Variants in CNTLN observed in about 807,000 individuals in gnomAD.
The protein encoded by CNTLN is centlein.
CNTLN carries 212 observed loss-of-function variants against 180.0 expected under a neutral mutation model. The ratio of observed to expected loss-of-function variants is 1.18; its 90% CI spans 1.05 to 1.32. The LOEUF (loss-of-function observed/expected upper bound fraction) is 1.32, where lower values mean the gene tolerates loss of function less well. Among genes scored for constraint, CNTLN ranks in the 40% most tolerant of loss-of-function variants. The pLI, the probability that CNTLN is intolerant of heterozygous loss-of-function variation, is 0.00. For synonymous variants in CNTLN, 722 were observed against 563.1 expected, an observed-to-expected ratio of 1.28 and a Z score of -3.99; for missense variants, 2,095 against 1,610.9, an observed-to-expected ratio of 1.30 and a Z score of -5.14.
intron 5 of CNTLN, among the ~76,000 whole-genome samples, chr9:17,266,900 T>C (rs199633158): frequency 6.6e-6 from 1 of 152,042 alleles, no homozygotes; most frequent in African/African-American, 2.4e-5. Flanking sequence ...GGTAGATCTT[T>C]CTCCATCCCT....
intron 18 of CNTLN, among the ~76,000 whole-genome samples, chr9:17,430,097 C>T (rs140352821): frequency 1.3e-3 from 196 of 151,950 alleles, no homozygotes; most frequent in African/African-American, 4.4e-3. Context: ...TATTGACATC[C>T]GTACTTGTAT....
intron 12 of CNTLN, among the ~76,000 whole-genome samples, chr9:17,353,734 G>A (rs13289670): frequency 0.24 from 35,864 of 151,864 alleles, 4,432 homozygotes; most frequent in South Asian, 0.34. Context: ...TGAGTAGCTG[G>A]GATTACAGGC....
rs144697069 is a variant in CNTLN at position 17,411,424 on chromosome 9, G to T, written c.2796+1951G>T. ...GGAACCTAGACTTTCACTCTTACCT[G>T]GCAATAAGTAGGCACTCTTCACCTC... is the stretch of plus-strand genomic sequence containing the variant. On this transcript the variant is annotated intron_variant, in intron 16 of 25. Coordinates refer to ENST00000380647, the MANE Select transcript of CNTLN (RefSeq NM_017738.4). Among the ~76,000 whole-genome samples the T allele has an allele frequency of 1.6e-3, 245 of 152,198 alleles. 1 individual carries two copies. The highest frequency in any genetic ancestry group is 0.013 in the Admixed American group (206 of 15,286).
intron 6 of CNTLN, among the ~76,000 whole-genome samples, chr9:17,297,051 A>T (rs1416276919): frequency 6.6e-6 from 1 of 152,246 alleles, no homozygotes; most frequent in African/African-American, 2.4e-5. Context: ...TCGGCCTTTC[A>T]TATCCATGGA....
chr9:17,470,095 A>G lies in CNTLN; in HGVS notation c.3855+3204A>G, dbSNP rs559875656. ...TACATTAACACAGTTGTAAACTTGTATTTTTCTTTCTGTTTCAAGTAGATT... is the reference window on the plus strand; with the variant it reads ...TACATTAACACAGTTGTAAACTTGTGTTTTTCTTTCTGTTTCAAGTAGATT... On this transcript the variant is annotated intron_variant, in intron 23 of 25. Coordinates refer to ENST00000380647, the MANE Select transcript of CNTLN (RefSeq NM_017738.4). 1.4e-4 allele frequency among the ~76,000 whole-genome samples: 22 copies of G among 151,950 alleles called. No individual in the cohort carries two copies. The East Asian group carries it at 3.7e-3, about 25-fold the overall frequency.
intron 6 of CNTLN, among the ~76,000 whole-genome samples, chr9:17,295,184 C>G (rs778403474): frequency 1.3e-5 from 2 of 152,046 alleles, no homozygotes; most frequent in African/African-American, 2.4e-5. Context: ...GCGCTGCACG[C>G]AGCCCCAGTT....
intron 13 of CNTLN, among the ~76,000 whole-genome samples, chr9:17,376,719 G>C (rs995035978): frequency 6.6e-6 from 1 of 151,992 alleles, no homozygotes; most frequent in African/African-American, 2.4e-5. Context: ...CCAAAGTGCT[G>C]GGATTACAGG....
intron 2 of CNTLN, among the ~76,000 whole-genome samples, chr9:17,181,764 G>C (rs1821139291): frequency 1.3e-5 from 2 of 152,226 alleles, no homozygotes; most frequent in Admixed American, 6.5e-5. Flanking sequence ...GAAGACACCT[G>C]AGGAATATGA....
At chr9:17,235,147 T>C (rs940166022) in intron 3 of CNTLN, among the ~76,000 whole-genome samples, 1 of 152,178 alleles carries the variant, frequency 6.6e-6, no homozygotes, top group African/African-American at 2.4e-5. Flanking sequence ...AATGTTCGGT[T>C]AAAAATTTTG....
In CNTLN at chr9:17,298,275, G is replaced by C. The variant is rs759881956; in HGVS notation, c.1069G>C (p.Val357Leu). Residue 357 changes from valine to leucine, a missense_variant, in exon 7 of 26, where the codon GTT (valine) becomes CTT (leucine). Val to Leu is a conservative substitution (Grantham distance 32, BLOSUM62 1). Coordinates refer to ENST00000380647, the MANE Select transcript of CNTLN (RefSeq NM_017738.4). ...AGCAGAGCTGATCCAGCAGCTTCAGGTTCTCAATATGGACACACAAAAAGT... is the reference window on the plus strand; with the variant it reads ...AGCAGAGCTGATCCAGCAGCTTCAGCTTCTCAATATGGACACACAAAAAGT... The part of the protein sequence containing the change: ...QQAELIQQLQ[V>L]LNMDTQKVLR... 4.3e-6 allele frequency: 7 copies of C among 1,613,404 alleles called. No individual in the cohort carries two copies. The highest frequency in any genetic ancestry group is 5.9e-6 in the Non-Finnish European group (7 of 1,179,816).
chr9:17,228,657 T>G (rs1380614718), intron 3 of CNTLN, among the ~76,000 whole-genome samples: 1 of 152,100 alleles, frequency 6.6e-6, no homozygotes, highest in Non-Finnish European at 1.5e-5. Context: ...TTTCATCCAC[T>G]CTTTAGTCTC....
At chr9:17,436,912 G>T (rs540201497) in intron 18 of CNTLN, among the ~76,000 whole-genome samples, 3 of 152,280 alleles carry the variant, frequency 2.0e-5, no homozygotes, top group African/African-American at 7.2e-5. Flanking sequence ...CCAATAGTTT[G>T]TGTAGTACAC....
intron 8 of CNTLN, among the ~76,000 whole-genome samples, chr9:17,326,952 G>C (rs1420281812): frequency 6.6e-6 from 1 of 152,004 alleles, no homozygotes; most frequent in African/African-American, 2.4e-5. Flanking sequence ...AAGGACCTTA[G>C]GAAAAAACTA....
At chr9:17,510,718 T>A in the CNTLN span, among the ~76,000 whole-genome samples, 3 of 152,210 alleles carry the variant, frequency 2.0e-5, no homozygotes, top group South Asian at 6.2e-4. Context: ...CTAGGCTCCA[T>A]AATTCCATGA....
At chr9:17,141,418 G>C (rs1171596122) in intron 1 of CNTLN, among the ~76,000 whole-genome samples, 1 of 152,178 alleles carries the variant, frequency 6.6e-6, no homozygotes, top group Non-Finnish European at 1.5e-5. Context: ...AATACTCTAT[G>C]TGAAAGTGTG....
rs374178844 is a variant in CNTLN, at chr9:17,394,786, G to A, written c.2332G>A (p.Val778Met). 2.7e-5 allele frequency: 44 copies of A among 1,613,904 alleles called. No individual in the cohort carries two copies. The highest frequency in any genetic ancestry group is 3.2e-5 in the Non-Finnish European group (38 of 1,179,992). ...ETEVTSLRRQ[V>M]AEANALRNEN... ...AGAAGTCACTTCCCTGAGGAGACAA[G>A]TGGCAGAAGCTAATGCATTGAGAAA... The change falls in exon 15 of 26, where the codon GTG (valine) becomes ATG (methionine). Residue 778 changes from valine to methionine, a missense_variant. Coordinates refer to ENST00000380647, the MANE Select transcript of CNTLN (RefSeq NM_017738.4).
intron 5 of CNTLN, among the ~76,000 whole-genome samples, chr9:17,267,243 A>C (rs544371965): frequency 6.6e-5 from 10 of 152,080 alleles, no homozygotes; most frequent in Non-Finnish European, 1.5e-4. Context: ...GGTGGTGACA[A>C]AATCTCTCAG....
At chr9:17,149,927 T>A (rs1026110760) in intron 2 of CNTLN, among the ~76,000 whole-genome samples, 2 of 152,206 alleles carry the variant, frequency 1.3e-5, no homozygotes, top group African/African-American at 4.8e-5. Context: ...TTTTTTCATA[T>A]GTCTGTTGGC....
chr9:17,396,204 C>T (rs1036758778), intron 15 of CNTLN, among the ~76,000 whole-genome samples: 6 of 152,216 alleles, frequency 3.9e-5, no homozygotes, highest in African/African-American at 1.4e-4. Flanking sequence ...ACCAGCACCC[C>T]TCAGGGCTAC....
Sources: gnomAD v4.1 joint callset for allele counts (sites outside exome capture counted in the v4.1 genomes callset) on GRCh38, gnomAD v4.1.1 for gene constraint, MANE v1.5 for transcripts, NCBI Gene and HGNC (gene_info 2026-07-23, HGNC 2026-07-21) for gene names.